KCP: variants seen among roughly 807,000 people sequenced by gnomAD.
KCP encodes the protein kielin/chordin-like protein.
In KCP, 194 loss-of-function variants were observed where a neutral mutation model predicts 212.7. The observed-to-expected ratio is 0.91, with a 90% CI of 0.81 to 1.03. The LOEUF (loss-of-function observed/expected upper bound fraction) is 1.03, where lower values mean the gene tolerates loss of function less well. Among genes scored for constraint, KCP ranks in the 50% least tolerant of loss-of-function variants. The probability of loss-of-function intolerance (pLI) is 0.00; values close to 1 mark genes in which losing one functional copy is unlikely to be tolerated. For missense variants in KCP, 2,080 were observed against 2,162.5 expected (o/e 0.96, Z 0.76); for synonymous variants, 833 against 865.3 (o/e 0.96, Z 0.65).
rs914410256 is a variant in KCP at position 128,877,635 on chromosome 7, C to T, written c.4467G>A (p.Pro1489=). Residue 1489 remains proline, a synonymous_variant, in exon 39 of 40, where the codon CCG becomes CCA. Transcript: ENST00000610776. ...PFSRCHAVVP[P]EPFFAACVYD... Reference sequence around the variant, plus strand: ...ACACACAGGCGGCAAAGAAGGGCTCCGGTGGCACCACAGCATGGCAGCGAC... The same window carrying T: ...ACACACAGGCGGCAAAGAAGGGCTCTGGTGGCACCACAGCATGGCAGCGAC... 14 of 1,551,664 alleles carry T rather than the reference C, an allele frequency of 9.0e-6. No homozygotes were observed. Among genetic ancestry groups the T allele is most frequent in the Admixed American group, 3.9e-5 (2 of 51,012 alleles).
chr7:128,890,615 C>T (rs1318040888), intron 20 of KCP, 102 bp from the exon 21 acceptor site: 4 of 780,954 alleles, frequency 5.1e-6, no homozygotes, highest in Non-Finnish European at 7.3e-6. Context: ...GTCGTGGGGG[C>T]CGTGGGGGCT....
intron 1 of KCP, among the ~76,000 whole-genome samples, chr7:128,909,891 C>T (rs1431089305): frequency 6.6e-6 from 1 of 152,192 alleles, no homozygotes; most frequent in African/African-American, 2.4e-5. Context: ...GAATGGCACC[C>T]GGTCTCAGTC....
intron 18 of KCP, 41 bp from the exon 19 acceptor site, chr7:128,891,319 G>GGGGGAGGCC (rs1794114835): frequency 6.5e-7 from 1 of 1,546,940 alleles, no homozygotes; most frequent in Admixed American, 2.0e-5. Flanking sequence ...TGGGTTAGTT[G>GGGGGAGGCC]GGGGAGGCCG....
chr7:128,899,222 ATTG>A (rs772381167), intron 8 of KCP, among the ~76,000 whole-genome samples: 31 of 152,332 alleles, frequency 2.0e-4, no homozygotes, highest in African/African-American at 5.3e-4. Flanking sequence ...AATAATTATA[ATTG>A]TTATGTGAAA....
rs1794105370 is a variant in KCP, at chr7:128,891,243, C to T, written c.1914G>A (p.Val638=). Reference sequence around the variant, plus strand: ...GGACAGGCTCTGGACAGGGCAGCGGCACGCAGCGGCGGGCCAGGCACTGCA... The same window carrying T: ...GGACAGGCTCTGGACAGGGCAGCGGTACGCAGCGGCGGGCCAGGCACTGCA... ...GNVQCLARRC[V]PLPCPEPVLL... The change falls in exon 19 of 40, where the codon GTG becomes GTA. Residue 638 remains valine (V), a synonymous_variant. Transcript: ENST00000610776. 1 of 1,547,060 alleles carries T rather than the reference C, an allele frequency of 6.5e-7. No homozygotes were observed.
At chr7:128,899,290 C>T (rs1457280407) in intron 8 of KCP, among the ~76,000 whole-genome samples, 4 of 152,258 alleles carry the variant, frequency 2.6e-5, no homozygotes, top group East Asian at 1.9e-4. Context: ...GCTTTAATAG[C>T]GGCTGTCCTA....
Position 128,876,970 on chromosome 7 carries a change from C to T in KCP, c.*73G>A. On this transcript the variant is annotated 3_prime_UTR_variant, in exon 40 of 40. Transcript: ENST00000610776. ...CAGGCAGGGCATTCTCTCCATAGCCCTAACCAGGGTGGGAACTGCTCGCCA... is the reference window on the plus strand; with the variant it reads ...CAGGCAGGGCATTCTCTCCATAGCCTTAACCAGGGTGGGAACTGCTCGCCA... 2 of 1,503,106 alleles carry T rather than the reference C, an allele frequency of 1.3e-6. No individual in the cohort carries two copies. Among genetic ancestry groups the T allele is most frequent in the Non-Finnish European group, 1.8e-6 (2 of 1,128,324 alleles). 93.1% of individuals were successfully genotyped at this position (1,503,106 alleles called of 1,614,324 possible). A position where few individuals can be genotyped will look rare whatever the true frequency, so the allele number is the denominator to read the frequency against.
At chr7:128,880,346 C>G (rs544340330) in intron 34 of KCP, 40 bp downstream of exon 34, 1 of 1,485,128 alleles carries the variant, frequency 6.7e-7, no homozygotes, top group African/African-American at 1.4e-5. Flanking sequence ...CATGTGCCCC[C>G]ACCCTGACCC....
chr7:128,907,601 C>T (rs1795192149), intron 2 of KCP, 148 bp from the exon 3 acceptor site: 2 of 515,162 alleles, frequency 3.9e-6, no homozygotes, highest in Non-Finnish European at 6.4e-6. Flanking sequence ...GCATCCAGCT[C>T]AAACGATCAC....
chr7:128,877,264 GGCCGCA>G lies in KCP; in HGVS notation c.4660_4665del (p.Cys1554_Gly1555del). ...TTGAAGCAGGTGCGGGGACAGGGTG[GGCCGCA>G]CTCATCAAACACGAAGCCACGCTCC... On this transcript the variant is annotated inframe_deletion, in exon 40 of 40. Coordinates refer to ENST00000610776, the MANE Select transcript of KCP (RefSeq NM_001366122.1). 6.7e-7 allele frequency: 1 copy of G among 1,501,286 alleles called. No homozygotes were observed. Among genetic ancestry groups the G allele is most frequent in the Non-Finnish European group, 8.9e-7 (1 of 1,127,316 alleles). The allele number at this position is 1,501,286 out of a possible 1,614,324, so 93.0% of individuals were successfully genotyped here.
At position 128,877,087 on chromosome 7, in the gene KCP, C is replaced by A; in HGVS notation, c.4843G>T (p.Gly1615Cys). ...QVLLTGDQPL[G>C]ARPSPSREPQ... Reference sequence around the variant, plus strand: ...TCCCGGCTGGGGCTGGGCCGAGCACCAAGTGGCTGGTCTCCAGTGAGCAGG... The same window carrying A: ...TCCCGGCTGGGGCTGGGCCGAGCACAAAGTGGCTGGTCTCCAGTGAGCAGG... Residue 1615 changes from glycine to cysteine, a missense_variant, in exon 40 of 40, where the codon GGT (glycine) becomes TGT (cysteine). Coordinates refer to ENST00000610776, the MANE Select transcript of KCP (RefSeq NM_001366122.1). 6.6e-7 allele frequency: 1 copy of A among 1,520,264 alleles called. No homozygotes were observed. Among genetic ancestry groups the A allele is most frequent in the Non-Finnish European group, 8.8e-7 (1 of 1,138,486 alleles). 94.2% of individuals were successfully genotyped at this position (1,520,264 alleles called of 1,614,324 possible). A position where few individuals can be genotyped will look rare whatever the true frequency, so the allele number is the denominator to read the frequency against.
Position 128,890,519 on chromosome 7 carries a change from G to A in KCP, c.2165-6C>T. On this transcript the variant is annotated splice_polypyrimidine_tract_variant and splice_region_variant and intron_variant, in intron 20 of 39. Transcript: ENST00000610776. ...CTTCCCCTGGTACAGGCAGCCTGGG[G>A]AGAAGGGCAGGGGCTGGGGGGCCGT... The A allele has an allele frequency of 6.5e-7, 1 of 1,545,282 alleles. No homozygotes were observed. The highest frequency in any genetic ancestry group is 8.7e-7 in the Non-Finnish European group (1 of 1,145,180).
At position 128,905,660 on chromosome 7, in the gene KCP, C is replaced by G. The variant is rs1976296; in HGVS notation, c.571+619G>C. The stretch of plus-strand genomic sequence containing the variant: ...CAAGCGCCCCCTTGACCATGCCACA[C>G]GCTGCTTCAGCCTTCAATACCCCCC... On this transcript the variant is annotated intron_variant, in intron 5 of 39. Transcript: ENST00000610776. 2.4e-3 allele frequency among the ~76,000 whole-genome samples: 371 copies of G among 152,230 alleles called. 3 individuals are homozygous for G. The highest frequency in any genetic ancestry group is 5.5e-3 in the African/African-American group (229 of 41,556).
Position 128,890,341 on chromosome 7 carries a change from A to ACCAT in KCP, c.2333_2335+1dup. The ACCAT allele has an allele frequency of 1.3e-6, 2 of 1,551,460 alleles. No individual in the cohort carries two copies. The highest frequency in any genetic ancestry group is 1.7e-6 in the Non-Finnish European group (2 of 1,146,958). ...GGCAGCTCCCTATCCCATGACCCTC[A>ACCAT]CCATCACAGTCAGGGCAGCAGTCGC... On this transcript the variant is annotated splice_donor_variant, in intron 21 of 39. Transcript: ENST00000610776. LOFTEE classifies it high-confidence loss of function.
chr7:128,877,413 T>C (rs2128943750), intron 39 of KCP, 71 bp downstream of exon 39: 18 of 1,533,742 alleles, frequency 1.2e-5, no homozygotes, highest in Non-Finnish European at 1.6e-5. Flanking sequence ...GGTCCTGCCC[T>C]GAGCCCTCCG....
intron 8 of KCP, among the ~76,000 whole-genome samples, chr7:128,899,324 A>G (rs905197539): frequency 6.6e-6 from 1 of 152,220 alleles, no homozygotes; most frequent in Non-Finnish European, 1.5e-5. Context: ...TCCATAAACA[A>G]TTGTTGTCTT....
At chr7:128,878,152 G>A (rs1224566857) in intron 38 of KCP, among the ~76,000 whole-genome samples, 1 of 151,696 alleles carries the variant, frequency 6.6e-6, no homozygotes, top group African/African-American at 2.4e-5. Context: ...CACTTCCTGG[G>A]TTCAAGTGAT....
At chr7:128,902,958 C>CA in intron 7 of KCP, 99 bp from the exon 8 acceptor site, 1 of 891,698 alleles carries the variant, frequency 1.1e-6, no homozygotes. Flanking sequence ...CCTCTGAGGG[C>CA]TCTCTCCCGA....
rs1314969450 is a variant in KCP, at chr7:128,908,154, AG to A, written c.219+271del. ...AAAAAAAAAAAAAAGAAAGAGAGAG[AG>A]AGAAAGAGAGAAGAAGGATGGAAGG... On this transcript the variant is annotated intron_variant, in intron 2 of 39. Transcript: ENST00000610776. Among the ~76,000 whole-genome samples, 108 of 132,416 alleles carry A rather than the reference AG, an allele frequency of 8.2e-4. 4 individuals are homozygous for A. Among genetic ancestry groups the A allele is most frequent in the Non-Finnish European group, 1.5e-3 (95 of 64,652 alleles). 86.9% of individuals were successfully genotyped at this position (132,416 alleles called of 152,430 possible). A position where few individuals can be genotyped will look rare whatever the true frequency, so the allele number is the denominator to read the frequency against.
Sources: allele counts gnomAD v4.1 joint callset (sites outside exome capture counted in the v4.1 genomes callset), GRCh38; gene constraint gnomAD v4.1.1; transcripts MANE v1.5; gene names NCBI Gene and HGNC (gene_info 2026-07-23, HGNC 2026-07-21).